The following NRG2 variants were observed in gnomAD, a reference collection of about 807,000 sequenced individuals.
NRG2 encodes neuregulin 2.
A neutral mutation model predicts 73.9 loss-of-function variants in NRG2; 27 were observed. That is an observed-to-expected ratio of 0.37 (90% CI 0.27 to 0.50). The LOEUF (loss-of-function observed/expected upper bound fraction) is 0.50. Ranked by LOEUF, NRG2 falls within the 20% of genes least tolerant of loss-of-function variation. The probability of loss-of-function intolerance (pLI) is 0.96; values close to 1 mark genes in which losing one functional copy is unlikely to be tolerated. For synonymous variants in NRG2, 532 were observed against 541.0 expected (o/e 0.98, Z 0.23); for missense variants, 1,126 against 1,210.1 (o/e 0.93, Z 1.03).
chr5:139,871,341 G>GAGATGGGGAGGAAA (rs1762835905), intron 4 of NRG2, among the ~76,000 whole-genome samples: 2 of 152,200 alleles, frequency 1.3e-5, no homozygotes, highest in African/African-American at 2.4e-5. Flanking sequence ...GAGTTGCTGA[G>GAGATGGGGAGGAAA]AGATGGGGAG....
Position 140,043,137 on chromosome 5 carries a change from C to G in NRG2, c.-68G>C. The G allele has an allele frequency of 6.5e-7, 1 of 1,533,536 alleles. No individual in the cohort carries two copies. Among genetic ancestry groups the G allele is most frequent in the African/African-American group, 1.4e-5 (1 of 71,898 alleles). The allele number at this position is 1,533,536 out of a possible 1,614,324, so 95.0% of individuals were successfully genotyped here. On this transcript the variant is annotated 5_prime_UTR_variant, in exon 1 of 10. Transcript: ENST00000361474. The surrounding 1 kb of genome is among the most constrained non-coding windows in gnomAD (Gnocchi z 6.7). ...GCCTTGGGAGGGGAAACAGAGCCCG[C>G]TGGAAAACCGGAAACAGCGTAACGT...
intron 1 of NRG2, among the ~76,000 whole-genome samples, chr5:139,908,488 CACTT>C (rs1177226715): frequency 2.6e-5 from 4 of 152,184 alleles, no homozygotes; most frequent in African/African-American, 7.2e-5. Context: ...AGTATTAACT[CACTT>C]AATTCTTCAC....
intron 5 of NRG2, among the ~76,000 whole-genome samples, chr5:139,860,106 C>T (rs1292449325): frequency 2.0e-5 from 3 of 152,102 alleles, no homozygotes; most frequent in Non-Finnish European, 2.9e-5. Context: ...GACACCCAGT[C>T]CCCAAGAGCC....
At position 140,043,186 on chromosome 5, in the gene NRG2, GCA is replaced by G; in HGVS notation, c.-119_-118del. On this transcript the variant is annotated 5_prime_UTR_variant, in exon 1 of 10. Coordinates refer to ENST00000361474, the MANE Select transcript of NRG2 (RefSeq NM_004883.3). The surrounding 1 kb of genome is among the most constrained non-coding windows in gnomAD (Gnocchi z 6.7). ...GTTAGCGCCTCTTAGCCCTCCACCG[GCA>G]GCCCGGGGAGGTGGCCCAGCTAGGG... 2 of 1,243,330 alleles carry G rather than the reference GCA, an allele frequency of 1.6e-6. No individual in the cohort carries two copies. The highest frequency in any genetic ancestry group is 2.2e-6 in the Non-Finnish European group (2 of 928,780). 77.0% of individuals were successfully genotyped at this position (1,243,330 alleles called of 1,614,324 possible). A position where few individuals can be genotyped will look rare whatever the true frequency, so the allele number is the denominator to read the frequency against.
chr5:139,980,287 C>A (rs1025779113), intron 1 of NRG2, among the ~76,000 whole-genome samples: 1 of 151,630 alleles, frequency 6.6e-6, no homozygotes, highest in African/African-American at 2.4e-5. Flanking sequence ...TGAAGCCAAA[C>A]ATCCAGCCCC....
At chr5:139,949,181 A>C (rs1031445853) in intron 1 of NRG2, among the ~76,000 whole-genome samples, 1 of 152,208 alleles carries the variant, frequency 6.6e-6, no homozygotes, top group Non-Finnish European at 1.5e-5. Context: ...AGGAGGTTTG[A>C]GGAGCCCCCA....
At chr5:139,906,196 C>T (rs376966471) in intron 1 of NRG2, among the ~76,000 whole-genome samples, 5 of 152,020 alleles carry the variant, frequency 3.3e-5, no homozygotes, top group Admixed American at 6.6e-5. Context: ...TTAGTAGAGA[C>T]GGTGTTTCAC....
chr5:139,919,761 A>G (rs139163999), intron 1 of NRG2, among the ~76,000 whole-genome samples: 109 of 152,366 alleles, frequency 7.2e-4, no homozygotes, highest in African/African-American at 2.6e-3. Flanking sequence ...ATGAATGTAC[A>G]CCATGCAACA....
chr5:140,020,279 C>G (rs2126665798), intron 1 of NRG2, among the ~76,000 whole-genome samples: 1 of 152,308 alleles, frequency 6.6e-6, no homozygotes, highest in Non-Finnish European at 1.5e-5. Context: ...TGAAAAGAAA[C>G]AAGTACACAC....
chr5:139,976,689 G>A (rs1756406751), intron 1 of NRG2, among the ~76,000 whole-genome samples: 2 of 152,250 alleles, frequency 1.3e-5, no homozygotes, highest in Non-Finnish European at 2.9e-5. Flanking sequence ...GAAAGTTGAG[G>A]CTGAAGGAGA....
chr5:140,032,404 G>A (rs1001725050), intron 1 of NRG2, among the ~76,000 whole-genome samples: 1 of 151,858 alleles, frequency 6.6e-6, no homozygotes. Flanking sequence ...AAGAAACTAT[G>A]GACTATTGAG....
intron 3 of NRG2, among the ~76,000 whole-genome samples, chr5:139,876,521 G>T (rs2127089509): frequency 6.6e-6 from 1 of 152,232 alleles, no homozygotes; most frequent in East Asian, 1.9e-4. Flanking sequence ...AAGCACCCGG[G>T]AGGAGTAAGC....
chr5:139,898,883 C>T (rs888151375), intron 1 of NRG2, among the ~76,000 whole-genome samples: 3 of 152,208 alleles, frequency 2.0e-5, no homozygotes, highest in African/African-American at 7.2e-5. Flanking sequence ...GCCTCCACAC[C>T]TCCTTAAGTG....
intron 1 of NRG2, among the ~76,000 whole-genome samples, chr5:139,989,758 T>A (rs489133): frequency 0.059 from 8,723 of 147,602 alleles, 436 homozygotes; most frequent in Non-Finnish European, 0.087. Context: ...TTGCTAGGTT[T>A]TTATTATTAT....
intron 2 of NRG2, among the ~76,000 whole-genome samples, chr5:139,882,114 C>T (rs966128653): frequency 1.3e-5 from 2 of 152,268 alleles, no homozygotes; most frequent in East Asian, 3.9e-4. Flanking sequence ...GATTTCCAGC[C>T]TATGTGTAGT....
At chr5:140,021,139 T>A (rs1760189093) in intron 1 of NRG2, among the ~76,000 whole-genome samples, 1 of 152,192 alleles carries the variant, frequency 6.6e-6, no homozygotes, top group South Asian at 2.1e-4. Context: ...ACAGACATCA[T>A]CTCCTCTGAT....
At chr5:139,859,483 C>A (rs550864038) in intron 5 of NRG2, among the ~76,000 whole-genome samples, 1 of 152,322 alleles carries the variant, frequency 6.6e-6, no homozygotes, top group Admixed American at 6.5e-5. Context: ...GCACAACTCT[C>A]CAAACCAGGC....
At chr5:139,873,244 C>T (rs1246486522) in intron 3 of NRG2, among the ~76,000 whole-genome samples, 1 of 152,198 alleles carries the variant, frequency 6.6e-6, no homozygotes, top group Non-Finnish European at 1.5e-5. Context: ...CGGAGCCCCA[C>T]CCCTGCTGAG....
intron 1 of NRG2, among the ~76,000 whole-genome samples, chr5:140,012,925 T>G (rs1314770944): frequency 6.6e-6 from 1 of 152,188 alleles, no homozygotes. Context: ...CCTAGACTGG[T>G]CTCACTTTAA....
Sources: allele counts gnomAD v4.1 joint callset (sites outside exome capture counted in the v4.1 genomes callset), GRCh38; gene constraint gnomAD v4.1.1; non-coding constraint Gnocchi (gnomAD v3.1); transcripts MANE v1.5; gene names NCBI Gene and HGNC (gene_info 2026-07-23, HGNC 2026-07-21).